Variants in MAPRE2 observed in about 807,000 individuals in gnomAD.
MAPRE2 encodes microtubule associated protein RP/EB family member 2, also known as microtubule-associated protein RP/EB family member 2.
MAPRE2 carries 13 observed loss-of-function variants against 43.2 expected under a neutral mutation model. The observed-to-expected ratio is 0.30, with a 90% CI of 0.20 to 0.48. The LOEUF (loss-of-function observed/expected upper bound fraction) is 0.48, where lower values mean the gene tolerates loss of function less well. Among genes scored for constraint, MAPRE2 ranks in the 20% least tolerant of loss-of-function variants. The pLI, the probability that MAPRE2 is intolerant of heterozygous loss-of-function variation, is 0.99. For missense variants in MAPRE2, 161 were observed against 400.2 expected, an observed-to-expected ratio of 0.40 and a Z score of 5.10; for synonymous variants, 135 against 148.8, an observed-to-expected ratio of 0.91 and a Z score of 0.68.
intron 2 of MAPRE2, among the ~76,000 whole-genome samples, chr18:35,071,028 G>A (rs1015494288): frequency 1.3e-5 from 2 of 152,182 alleles, no homozygotes; most frequent in Admixed American, 1.3e-4. Context: ...CGTCGTGTTA[G>A]GATGTCTAAC....
intron 2 of MAPRE2, among the ~76,000 whole-genome samples, chr18:35,007,800 T>G (rs1421641108): frequency 6.8e-6 from 1 of 147,580 alleles, no homozygotes; most frequent in Non-Finnish European, 1.5e-5. Flanking sequence ...GGGTTTGAAC[T>G]GCACGGGCTT....
At chr18:35,019,284 G>A (rs1359299258) in intron 2 of MAPRE2, among the ~76,000 whole-genome samples, 3 of 152,038 alleles carry the variant, frequency 2.0e-5, no homozygotes, top group Non-Finnish European at 2.9e-5. Context: ...ATGTGCAGAT[G>A]AGAAGAATGT....
At chr18:34,981,582 C>T (rs1307117042) in intron 1 of MAPRE2, among the ~76,000 whole-genome samples, 6 of 152,046 alleles carry the variant, frequency 3.9e-5, no homozygotes, top group African/African-American at 1.4e-4. Context: ...ATTTATATAG[C>T]CCTTTGGTCT....
intron 4 of MAPRE2, among the ~76,000 whole-genome samples, chr18:35,124,077 ATTAG>A (rs989067165): frequency 6.6e-6 from 1 of 152,206 alleles, no homozygotes. Context: ...TGCATGGTGT[ATTAG>A]TTCTTACAGT....
intron 5 of MAPRE2, among the ~76,000 whole-genome samples, chr18:35,131,447 G>A (rs971336348): frequency 3.3e-5 from 5 of 152,156 alleles, no homozygotes; most frequent in African/African-American, 1.2e-4. Flanking sequence ...CCAAGATCAA[G>A]GCGCCAGTAG....
intron 1 of MAPRE2, among the ~76,000 whole-genome samples, chr18:34,982,990 G>A (rs1003462142): frequency 1.1e-4 from 16 of 152,122 alleles, no homozygotes; most frequent in African/African-American, 3.6e-4. Flanking sequence ...TTTACATCTT[G>A]TCTATGGCTG....
At chr18:35,037,284 G>C (rs1047105846), upstream of MAPRE2, among the ~76,000 whole-genome samples, 2 of 152,068 alleles carry the variant, frequency 1.3e-5, no homozygotes, top group African/African-American at 2.4e-5. Context: ...CCACTAAAGA[G>C]CATTTGCTGT....
intron 4 of MAPRE2, among the ~76,000 whole-genome samples, chr18:35,113,971 C>G (rs928922533): frequency 4.6e-5 from 7 of 152,092 alleles, no homozygotes; most frequent in Admixed American, 4.6e-4. Context: ...AGCTATTATC[C>G]TAAGAACTTA....
upstream of MAPRE2, among the ~76,000 whole-genome samples, chr18:35,039,894 C>G (rs973897954): frequency 4.6e-5 from 7 of 152,210 alleles, no homozygotes; most frequent in African/African-American, 1.4e-4. Context: ...TCAGAGACCA[C>G]TGCTGATAAG....
chr18:35,082,230 C>T (rs1379404130), intron 2 of MAPRE2: 2 of 69,630 alleles, frequency 2.9e-5, no homozygotes, highest in Non-Finnish European at 4.3e-5. Flanking sequence ...GCGGAGCTTG[C>T]AGTGAGCCGA....
intron 1 of MAPRE2, among the ~76,000 whole-genome samples, chr18:35,053,670 A>G (rs1906067606): frequency 1.3e-5 from 2 of 152,202 alleles, no homozygotes; most frequent in Non-Finnish European, 1.5e-5. Flanking sequence ...AAGTGTGCAT[A>G]GAAAATTTTT....
intron 1 of MAPRE2, among the ~76,000 whole-genome samples, chr18:34,981,543 A>T (rs1025177682): frequency 1.3e-5 from 2 of 152,224 alleles, no homozygotes; most frequent in African/African-American, 4.8e-5. Flanking sequence ...TTGAGAACAG[A>T]CGAGAACCAC....
chr18:35,085,699 A>G (rs568651250), intron 2 of MAPRE2, among the ~76,000 whole-genome samples: 1 of 152,352 alleles, frequency 6.6e-6, no homozygotes, highest in African/African-American at 2.4e-5. Context: ...TAGCAGAAAT[A>G]TCAAGTATCC....
chr18:35,114,688 G>C (rs1022677465), intron 4 of MAPRE2, among the ~76,000 whole-genome samples: 3 of 152,190 alleles, frequency 2.0e-5, no homozygotes, highest in African/African-American at 4.8e-5. Context: ...CCTTCACACA[G>C]AGCTCTGCAG....
intron 1 of MAPRE2, among the ~76,000 whole-genome samples, chr18:34,989,028 A>T (rs982384447): frequency 6.6e-6 from 1 of 152,136 alleles, no homozygotes; most frequent in Admixed American, 6.6e-5. Context: ...CATTTTCTTA[A>T]AACATCCCAG....
chr18:35,019,188 CA>C (rs2097040403), intron 2 of MAPRE2, among the ~76,000 whole-genome samples: 3 of 151,870 alleles, frequency 2.0e-5, no homozygotes, highest in Admixed American at 1.3e-4. Context: ...TGCGGTCCAA[CA>C]GTATGTTTGG....
chr18:35,005,218 A>G (rs921700166), intron 1 of MAPRE2, among the ~76,000 whole-genome samples: 2 of 152,218 alleles, frequency 1.3e-5, no homozygotes, highest in Non-Finnish European at 1.5e-5. Context: ...AAATATTTTC[A>G]TAGGACTGAC....
At chr18:35,025,936 G>A (rs545888978) in intron 2 of MAPRE2, among the ~76,000 whole-genome samples, 27 of 152,258 alleles carry the variant, frequency 1.8e-4, no homozygotes, top group Admixed American at 7.2e-4. Context: ...TTCTATACAC[G>A]GTGGGGCATA....
upstream of MAPRE2, among the ~76,000 whole-genome samples, chr18:35,036,903 G>C (rs888474531): frequency 1.3e-5 from 2 of 152,152 alleles, no homozygotes; most frequent in African/African-American, 4.8e-5. Flanking sequence ...TTGCTCTAAG[G>C]GGTCTCACAT....
Sources: gnomAD v4.1 joint callset for allele counts (sites outside exome capture counted in the v4.1 genomes callset) on GRCh38, gnomAD v4.1.1 for gene constraint, MANE v1.5 for transcripts, NCBI Gene and HGNC (gene_info 2026-07-23, HGNC 2026-07-21) for gene names.